ESR1: variants seen among roughly 807,000 people sequenced by gnomAD.
ESR1 encodes the protein estrogen receptor.
Under a neutral mutation model 52.7 loss-of-function variants are expected in ESR1, and 12 were observed. The ratio of observed to expected loss-of-function variants is 0.23; its 90% CI spans 0.15 to 0.37. ESR1 has a LOEUF of 0.37. Ranked by LOEUF, ESR1 falls within the 10% of genes least tolerant of loss-of-function variation. ESR1 has a pLI of 1.00. For synonymous variants in ESR1, 305 were observed against 316.8 expected, an observed-to-expected ratio of 0.96 and a Z score of 0.39; for missense variants, 584 against 779.7, an observed-to-expected ratio of 0.75 and a Z score of 2.99.
At chr6:151,865,188 A>T (rs1455672701) in intron 2 of ESR1, among the ~76,000 whole-genome samples, 1 of 152,132 alleles carries the variant, frequency 6.6e-6, no homozygotes, top group Non-Finnish European at 1.5e-5. Context: ...CACCCCACAC[A>T]TAGATATTTT....
At chr6:151,893,973 A>G (rs533610985) in intron 3 of ESR1, among the ~76,000 whole-genome samples, 53 of 152,330 alleles carry the variant, frequency 3.5e-4, no homozygotes, top group African/African-American at 1.2e-3. Context: ...GTGGCTCCAC[A>G]TTGTTTTCCA....
chr6:151,836,203 G>A (rs778479932), intron 1 of ESR1, among the ~76,000 whole-genome samples: 1 of 152,164 alleles, frequency 6.6e-6, no homozygotes, highest in Non-Finnish European at 1.5e-5. Context: ...GATATATTTA[G>A]CAAATATTTA....
At chr6:151,921,056 T>C (rs2031556986) in intron 3 of ESR1, among the ~76,000 whole-genome samples, 1 of 152,040 alleles carries the variant, frequency 6.6e-6, no homozygotes, top group Non-Finnish European at 1.5e-5. Flanking sequence ...CCAACATGCA[T>C]TAGTTGTTTT....
At chr6:151,970,820 C>G (rs1276692188) in intron 4 of ESR1, among the ~76,000 whole-genome samples, 2 of 152,176 alleles carry the variant, frequency 1.3e-5, no homozygotes, top group Non-Finnish European at 2.9e-5. Context: ...CTTTCCCCAC[C>G]TCATTCTCTC....
intron 1 of ESR1, among the ~76,000 whole-genome samples, chr6:151,832,102 A>G (rs569870883): frequency 4.5e-4 from 69 of 152,332 alleles, no homozygotes; most frequent in African/African-American, 1.5e-3. Context: ...TGTATCACTA[A>G]ATAGATAATA....
intron 2 of ESR1, among the ~76,000 whole-genome samples, chr6:151,721,313 C>G (rs895603512): frequency 6.6e-6 from 1 of 152,080 alleles, no homozygotes; most frequent in South Asian, 2.1e-4. Context: ...GGCTAGAATC[C>G]AGGGCTCTCT....
chr6:151,845,779 AGC>A (rs981583922), intron 2 of ESR1, among the ~76,000 whole-genome samples: 48 of 152,180 alleles, frequency 3.2e-4, no homozygotes, highest in African/African-American at 1.1e-3. Flanking sequence ...TTCTGGAAGA[AGC>A]CTAGAAAGAA....
At chr6:151,968,890 T>G (rs1271944888) in intron 4 of ESR1, among the ~76,000 whole-genome samples, 1 of 152,110 alleles carries the variant, frequency 6.6e-6, no homozygotes, top group Non-Finnish European at 1.5e-5. Flanking sequence ...CGTCTTGATT[T>G]ATTTGTATCC....
intron 6 of ESR1, among the ~76,000 whole-genome samples, chr6:152,117,081 A>T (rs1479448280): frequency 6.6e-6 from 1 of 152,196 alleles, no homozygotes; most frequent in African/African-American, 2.4e-5. Flanking sequence ...GTTTCCAGGT[A>T]ATATTGATTC....
intron 6 of ESR1, among the ~76,000 whole-genome samples, chr6:152,124,820 A>T (rs1186838138): frequency 1.3e-5 from 2 of 152,252 alleles, no homozygotes; most frequent in Non-Finnish European, 2.9e-5. Flanking sequence ...ATGTTGAGAC[A>T]GGGCCTTAGA....
At chr6:151,673,891 G>C (rs1778163502) in intron 1 of ESR1, among the ~76,000 whole-genome samples, 2 of 152,014 alleles carry the variant, frequency 1.3e-5, no homozygotes. Flanking sequence ...CTGAAAAAAA[G>C]GACACTCCAT....
At chr6:151,963,633 C>G (rs773524181) in intron 4 of ESR1, among the ~76,000 whole-genome samples, 1 of 152,146 alleles carries the variant, frequency 6.6e-6, no homozygotes, top group Non-Finnish European at 1.5e-5. Context: ...TGTGGGTTAT[C>G]TTTTCACTTT....
chr6:152,020,884 A>C (rs1043296403), intron 5 of ESR1, among the ~76,000 whole-genome samples: 1 of 152,198 alleles, frequency 6.6e-6, no homozygotes, highest in Admixed American at 6.5e-5. Flanking sequence ...TTAATGATCT[A>C]GAATTAAGTT....
intron 4 of ESR1, among the ~76,000 whole-genome samples, chr6:151,975,476 A>C (rs906331250): frequency 2.0e-5 from 3 of 152,102 alleles, no homozygotes; most frequent in Non-Finnish European, 4.4e-5. Flanking sequence ...AGACAAAAAG[A>C]GATTCATCTG....
intron 2 of ESR1, among the ~76,000 whole-genome samples, chr6:151,878,288 C>T (rs1342392921): frequency 6.6e-6 from 1 of 152,106 alleles, no homozygotes; most frequent in African/African-American, 2.4e-5. Flanking sequence ...TCAGTTTGAC[C>T]CTATTAATAA....
At chr6:151,990,817 G>A (rs1037716901) in intron 4 of ESR1, among the ~76,000 whole-genome samples, 15 of 152,162 alleles carry the variant, frequency 9.9e-5, no homozygotes, top group African/African-American at 3.4e-4. Flanking sequence ...GTACAGGTCA[G>A]TGAAAAATTA....
intron 2 of ESR1, among the ~76,000 whole-genome samples, chr6:151,723,146 TC>T (rs1247933781): frequency 2.0e-5 from 3 of 152,008 alleles, no homozygotes; most frequent in Admixed American, 1.3e-4. Context: ...AGACCTGTCC[TC>T]ACAAGTGGGA....
At chr6:151,772,797 A>C (rs1785625901) in intron 2 of ESR1, among the ~76,000 whole-genome samples, 1 of 152,246 alleles carries the variant, frequency 6.6e-6, no homozygotes, top group South Asian at 2.1e-4. Context: ...GGGAGGTTAC[A>C]AAGAGAAAAG....
chr6:151,792,156 A>G (rs1344682615), intron 2 of ESR1, among the ~76,000 whole-genome samples: 2 of 152,186 alleles, frequency 1.3e-5, no homozygotes, highest in Non-Finnish European at 2.9e-5. Flanking sequence ...ATCTAAACAC[A>G]CTTCAACATA....
Sources: gnomAD v4.1 joint callset for allele counts (sites outside exome capture counted in the v4.1 genomes callset) on GRCh38, gnomAD v4.1.1 for gene constraint, MANE v1.5 for transcripts, NCBI Gene and HGNC (gene_info 2026-07-23, HGNC 2026-07-21) for gene names.